The following CAMTA1 variants were observed in gnomAD, a reference collection of about 807,000 sequenced individuals.
The protein encoded by CAMTA1 is calmodulin binding transcription activator 1.
Under a neutral mutation model 170.9 loss-of-function variants are expected in CAMTA1, and 27 were observed. The ratio of observed to expected loss-of-function variants is 0.16; its 90% CI spans 0.12 to 0.22. The LOEUF (loss-of-function observed/expected upper bound fraction) is 0.22, where lower values mean the gene tolerates loss of function less well. Ranked by LOEUF, CAMTA1 falls within the 10% of genes least tolerant of loss-of-function variation. The pLI, the probability that CAMTA1 is intolerant of heterozygous loss-of-function variation, is 1.00. For missense variants in CAMTA1, 1,619 were observed against 2,217.2 expected (o/e 0.73, Z 5.42); for synonymous variants, 833 against 891.5 (o/e 0.93, Z 1.17).
At chr1:6,902,074 A>ACAC (rs1553180447) in intron 3 of CAMTA1, among the ~76,000 whole-genome samples, 9,743 of 75,066 alleles carry the variant, frequency 0.13, 352 homozygotes, top group East Asian at 0.2. Context: ...CACACACACA[A>ACAC]AAAAAAAAAT....
At chr1:7,549,816 C>T (rs1050968610) in intron 6 of CAMTA1, among the ~76,000 whole-genome samples, 107 of 144,872 alleles carry the variant, frequency 7.4e-4, no homozygotes, top group African/African-American at 2.5e-3. Flanking sequence ...AGGGTGAGGG[C>T]GGGAGGGTTT....
intron 6 of CAMTA1, among the ~76,000 whole-genome samples, chr1:7,493,652 G>C (rs920697585): frequency 2.4e-5 from 3 of 127,186 alleles, no homozygotes; most frequent in Non-Finnish European, 3.4e-5. Context: ...CTGGGGGGGG[G>C]GGGGGGTCAG....
At chr1:7,090,752 A>G (rs1641357811) in intron 3 of CAMTA1, among the ~76,000 whole-genome samples, 2 of 152,184 alleles carry the variant, frequency 1.3e-5, no homozygotes. Flanking sequence ...GATTTAAGTT[A>G]TCAGTAGTGG....
chr1:7,552,809 T>C (rs72865465), intron 6 of CAMTA1, among the ~76,000 whole-genome samples: 6,243 of 152,322 alleles, frequency 0.041, 437 homozygotes, highest in African/African-American at 0.14. Context: ...GCTCCCGGGA[T>C]GGCGTGCTCA....
intron 5 of CAMTA1, among the ~76,000 whole-genome samples, chr1:7,453,843 G>A (rs2092887881): frequency 6.6e-6 from 1 of 152,344 alleles, no homozygotes; most frequent in Non-Finnish European, 1.5e-5. Context: ...TGGAGCTGCT[G>A]TGGAGTCTTT....
At chr1:6,847,543 G>GTTT in intron 3 of CAMTA1, among the ~76,000 whole-genome samples, 1 of 138,334 alleles carries the variant, frequency 7.2e-6, no homozygotes, top group East Asian at 2.1e-4. Context: ...TTTAAATTTT[G>GTTT]TTTTTTTTTT....
At chr1:7,231,327 A>ATGTGTG (rs745744631) in intron 4 of CAMTA1, among the ~76,000 whole-genome samples, 5,736 of 141,852 alleles carry the variant, frequency 0.04, 349 homozygotes, top group African/African-American at 0.13. Flanking sequence ...TACTGGCTTA[A>ATGTGTG]TGTGTGTGTG....
intron 22 of CAMTA1, among the ~76,000 whole-genome samples, chr1:7,765,548 G>A (rs1402969015): frequency 6.6e-6 from 1 of 152,200 alleles, no homozygotes; most frequent in African/African-American, 2.4e-5. Context: ...TCACTGGGAG[G>A]AGGAACCTAA....
intron 6 of CAMTA1, among the ~76,000 whole-genome samples, chr1:7,551,372 GCA>G: frequency 6.7e-6 from 1 of 148,338 alleles, no homozygotes; most frequent in East Asian, 2.1e-4. Flanking sequence ...GCATGTGTGT[GCA>G]CACACACAGG....
At position 7,563,259 on chromosome 1, in the gene CAMTA1, C is replaced by G. The variant is rs17031130; in HGVS notation, c.511-77141C>G. On this transcript the variant is annotated intron_variant, in intron 6 of 22. Coordinates refer to ENST00000303635, the MANE Select transcript of CAMTA1 (RefSeq NM_015215.4). ...ACACTAAGTACCTGCCAGAGTCTTCCGCGCAGCTGCTAGAAGCGAACCTGC... is the reference window on the plus strand; with the variant it reads ...ACACTAAGTACCTGCCAGAGTCTTCGGCGCAGCTGCTAGAAGCGAACCTGC... Among the ~76,000 whole-genome samples the G allele has an allele frequency of 8.4e-4, 128 of 152,258 alleles. 2 individuals carry two copies. The Middle Eastern group carries it at 0.034, about 40-fold the overall frequency.
chr1:6,916,731 G>C (rs1557821503), intron 3 of CAMTA1, among the ~76,000 whole-genome samples: 1 of 152,196 alleles, frequency 6.6e-6, no homozygotes, highest in Non-Finnish European at 1.5e-5. Context: ...TGGCACTCTA[G>C]GGAGGGATGG....
chr1:7,742,904 C>T (rs2096828797), intron 16 of CAMTA1, among the ~76,000 whole-genome samples: 1 of 152,272 alleles, frequency 6.6e-6, no homozygotes, highest in East Asian at 1.9e-4. Flanking sequence ...TCTTGGCTCA[C>T]TGCAACTTCC....
At chr1:6,814,881 GT>G (rs1645604225) in intron 1 of CAMTA1, among the ~76,000 whole-genome samples, 1 of 152,020 alleles carries the variant, frequency 6.6e-6, no homozygotes, top group East Asian at 1.9e-4. Flanking sequence ...ATAGCATCTT[GT>G]TTCATTAATC....
intron 5 of CAMTA1, among the ~76,000 whole-genome samples, chr1:7,413,069 C>T (rs201688360): frequency 0.86 from 115,415 of 133,642 alleles, 49,287 homozygotes; most frequent in Admixed American, 0.91. Context: ...TAGTTGTAGA[C>T]ATGCAGCATT....
chr1:7,352,095 A>G (rs1363799013), intron 5 of CAMTA1, among the ~76,000 whole-genome samples: 2 of 146,052 alleles, frequency 1.4e-5, no homozygotes, highest in Non-Finnish European at 2.9e-5. Flanking sequence ...CTCCCCCGCC[A>G]TGGCTGGGCC....
chr1:7,347,345 T>A (rs959796871), intron 5 of CAMTA1, among the ~76,000 whole-genome samples: 1 of 151,976 alleles, frequency 6.6e-6, no homozygotes, highest in African/African-American at 2.4e-5. Context: ...GGTCACAGAG[T>A]GGTCCGGTGC....
chr1:7,555,970 G>T (rs1209454356), intron 6 of CAMTA1, among the ~76,000 whole-genome samples: 1 of 152,182 alleles, frequency 6.6e-6, no homozygotes, highest in Non-Finnish European at 1.5e-5. Flanking sequence ...TGTTTAAGAT[G>T]GTTTGTTACT....
chr1:7,620,702 G>A (rs1449125295), intron 6 of CAMTA1, among the ~76,000 whole-genome samples: 4 of 152,154 alleles, frequency 2.6e-5, no homozygotes, highest in African/African-American at 9.7e-5. Flanking sequence ...TAGAAGGAGG[G>A]AGGAGAGATG....
chr1:7,417,103 C>A (rs1273738101), intron 5 of CAMTA1, among the ~76,000 whole-genome samples: 1 of 152,226 alleles, frequency 6.6e-6, no homozygotes, highest in African/African-American at 2.4e-5. Context: ...TTTTCGTGAA[C>A]CGCAAATGCT....
Sources: allele counts gnomAD v4.1 joint callset (sites outside exome capture counted in the v4.1 genomes callset), GRCh38; gene constraint gnomAD v4.1.1; transcripts MANE v1.5; gene names NCBI Gene and HGNC (gene_info 2026-07-23, HGNC 2026-07-21).